ATXN1: variants seen among roughly 807,000 people sequenced by gnomAD.
ATXN1 encodes the protein ataxin-1.
Under a neutral mutation model 56.4 loss-of-function variants are expected in ATXN1, and 8 were observed. The ratio of observed to expected loss-of-function variants is 0.14; its 90% CI spans 0.08 to 0.26. ATXN1 has a LOEUF of 0.26. Among genes scored for constraint, ATXN1 ranks in the 10% least tolerant of loss-of-function variants. ATXN1 has a pLI of 1.00. For missense variants in ATXN1, 987 were observed against 1,106.5 expected (o/e 0.89, Z 1.53); for synonymous variants, 514 against 494.6 (o/e 1.04, Z -0.52).
intron 6 of ATXN1, among the ~76,000 whole-genome samples, chr6:16,455,919 G>A (rs964359894): frequency 5.3e-5 from 8 of 152,128 alleles, no homozygotes; most frequent in African/African-American, 1.7e-4. Flanking sequence ...TCAACGCTCT[G>A]TAAAATGCAC....
intron 6 of ATXN1, among the ~76,000 whole-genome samples, chr6:16,378,024 C>T (rs1005342140): frequency 6.6e-6 from 1 of 152,212 alleles, no homozygotes; most frequent in East Asian, 1.9e-4. Flanking sequence ...AGGGCCATCT[C>T]GGGCACCACC....
At position 16,328,399 on chromosome 6, in the gene ATXN1, T is replaced by C; in HGVS notation, c.-89A>G. 2 of 1,401,354 alleles carry C rather than the reference T, an allele frequency of 1.4e-6. No homozygotes were observed. The highest frequency in any genetic ancestry group is 2.5e-5 in the East Asian group (1 of 40,334). The allele number at this position is 1,401,354 out of a possible 1,614,324, so 86.8% of individuals were successfully genotyped here. On this transcript the variant is annotated 5_prime_UTR_variant, in exon 7 of 8. Transcript: ENST00000436367. This position sits in a 1 kb window ranked among gnomAD's most constrained non-coding sequence, Gnocchi z 6.2. ...TAAACGGAAAGTCACATTTGATTTC[T>C]GTAGGGGATCCAGGCTCTTCATGAG...
At chr6:16,382,700 T>C (rs1424748498) in intron 6 of ATXN1, among the ~76,000 whole-genome samples, 1 of 151,758 alleles carries the variant, frequency 6.6e-6, no homozygotes, top group African/African-American at 2.4e-5. Flanking sequence ...GAGTGAAGGG[T>C]GGTCATCCAA....
At chr6:16,432,815 A>C (rs889364947) in intron 6 of ATXN1, 9 of 152,094 alleles carry the variant, frequency 5.9e-5, no homozygotes, top group Non-Finnish European at 1.2e-4. Context: ...TCACAATGAA[A>C]TCTGCATGGA....
chr6:16,343,857 G>C (rs902016183), intron 6 of ATXN1, among the ~76,000 whole-genome samples: 1 of 152,174 alleles, frequency 6.6e-6, no homozygotes, highest in Non-Finnish European at 1.5e-5. Context: ...GTGGGTGGCT[G>C]TGTCCTGATC....
At chr6:16,641,359 T>TGA (rs1763702500) in intron 3 of ATXN1, among the ~76,000 whole-genome samples, 1 of 152,206 alleles carries the variant, frequency 6.6e-6, no homozygotes, top group South Asian at 2.1e-4. Flanking sequence ...AAGGAGAGGC[T>TGA]GACTCTCTTG....
chr6:16,394,150 C>T (rs1410629598), intron 6 of ATXN1, among the ~76,000 whole-genome samples: 5 of 152,092 alleles, frequency 3.3e-5, no homozygotes, highest in East Asian at 1.9e-4. Context: ...CTAACTAGGC[C>T]TCTGAGTCTC....
chr6:16,668,323 T>C (rs1363866510), intron 2 of ATXN1, among the ~76,000 whole-genome samples: 1 of 151,712 alleles, frequency 6.6e-6, no homozygotes, highest in Non-Finnish European at 1.5e-5. Flanking sequence ...TAGGTATATC[T>C]CCTAATGCTA....
At chr6:16,366,706 G>A (rs966201125) in intron 6 of ATXN1, among the ~76,000 whole-genome samples, 14 of 131,096 alleles carry the variant, frequency 1.1e-4, no homozygotes, top group Admixed American at 5.3e-4. Flanking sequence ...ACTTGAACCC[G>A]GGAGGTGGAG....
At chr6:16,751,570 G>T in intron 2 of ATXN1, among the ~76,000 whole-genome samples, 1 of 126,224 alleles carries the variant, frequency 7.9e-6, no homozygotes, top group African/African-American at 3.5e-5. Context: ...CAATTCATCA[G>T]TTCATTTTAC....
At chr6:16,579,809 T>C (rs1038466410) in intron 4 of ATXN1, among the ~76,000 whole-genome samples, 4 of 152,088 alleles carry the variant, frequency 2.6e-5, no homozygotes, top group African/African-American at 9.7e-5. Context: ...CAGGTTTATA[T>C]GTATACAATT....
chr6:16,610,571 G>C (rs74647203), intron 3 of ATXN1, among the ~76,000 whole-genome samples: 1 of 151,904 alleles, frequency 6.6e-6, no homozygotes, highest in Non-Finnish European at 1.5e-5. Flanking sequence ...TCCTACTAAG[G>C]TATGAGAGTT....
At position 16,506,862 on chromosome 6, in the gene ATXN1, A is replaced by G. The variant is rs1760989228; in HGVS notation, c.-299+15765T>C. Among the ~76,000 whole-genome samples the G allele has an allele frequency of 6.6e-6, 1 of 152,222 alleles. No individual in the cohort carries two copies. Among genetic ancestry groups the G allele is most frequent in the African/African-American group, 2.4e-5 (1 of 41,454 alleles). ...CATGCCAATGATTATTGATAACATC[A>G]TTCAACGCCATGTAATGAGTTGACA... is the stretch of plus-strand genomic sequence containing the variant. On this transcript the variant is annotated intron_variant, in intron 5 of 7. Coordinates refer to ENST00000436367, the MANE Select transcript of ATXN1 (RefSeq NM_001128164.2). The surrounding 1 kb of genome is among the most constrained non-coding windows in gnomAD (Gnocchi z 4.1).
chr6:16,706,441 A>G (rs1010025445), intron 2 of ATXN1, among the ~76,000 whole-genome samples: 7 of 152,096 alleles, frequency 4.6e-5, no homozygotes, highest in African/African-American at 1.7e-4. Flanking sequence ...AAAGGAAGAG[A>G]GGGCCGGGCA....
chr6:16,372,067 T>A (rs1313430767), intron 6 of ATXN1, among the ~76,000 whole-genome samples: 1 of 152,258 alleles, frequency 6.6e-6, no homozygotes, highest in Non-Finnish European at 1.5e-5. Flanking sequence ...TACACATTTT[T>A]AAAATTGCTT....
intron 2 of ATXN1, among the ~76,000 whole-genome samples, chr6:16,720,717 T>C (rs1460833263): frequency 6.6e-6 from 1 of 152,198 alleles, no homozygotes; most frequent in Admixed American, 6.5e-5. Context: ...AGCTAAAGCA[T>C]GGTATAAAGG....
chr6:16,646,522 C>T (rs1407893018), intron 3 of ATXN1, among the ~76,000 whole-genome samples: 1 of 152,232 alleles, frequency 6.6e-6, no homozygotes, highest in South Asian at 2.1e-4. Flanking sequence ...AGACTATCTT[C>T]CTCCCAGTCT....
chr6:16,750,371 A>G (rs1051309265), intron 2 of ATXN1, among the ~76,000 whole-genome samples: 2 of 152,234 alleles, frequency 1.3e-5, no homozygotes, highest in Non-Finnish European at 2.9e-5. Flanking sequence ...ATAACTTGCT[A>G]TAGCTGTATC....
At chr6:16,382,208 G>C (rs1758139670) in intron 6 of ATXN1, among the ~76,000 whole-genome samples, 1 of 151,886 alleles carries the variant, frequency 6.6e-6, no homozygotes, top group Admixed American at 6.6e-5. Context: ...AGCCAGGCAG[G>C]AGAATGGTGT....
Sources: gnomAD v4.1 joint callset for allele counts (sites outside exome capture counted in the v4.1 genomes callset) on GRCh38, gnomAD v4.1.1 for gene constraint, Gnocchi (gnomAD v3.1) non-coding constraint, MANE v1.5 for transcripts, NCBI Gene and HGNC (gene_info 2026-07-23, HGNC 2026-07-21) for gene names.